ZDHHC15: variants seen among roughly 807,000 people sequenced by gnomAD.
ZDHHC15 encodes the protein palmitoyltransferase ZDHHC15.
In ZDHHC15, 19 loss-of-function variants were observed where a neutral mutation model predicts 31.7. The observed-to-expected ratio is 0.60, with a 90% CI of 0.42 to 0.88. The LOEUF (loss-of-function observed/expected upper bound fraction) is 0.88. Among genes scored for constraint, ZDHHC15 ranks in the 40% least tolerant of loss-of-function variants. The pLI is 0.00. For synonymous variants in ZDHHC15, 103 were observed against 90.0 expected (o/e 1.14, Z -0.82); for missense variants, 209 against 251.2 (o/e 0.83, Z 1.14).
At chrX:75,422,838 G>A (rs1276252661) in intron 8 of ZDHHC15, among the ~76,000 whole-genome samples, 1 of 108,752 alleles carries the variant, frequency 9.2e-6, no homozygotes, top group Non-Finnish European at 1.9e-5. Flanking sequence ...AAGTTTTAGG[G>A]TACATGTGCA....
intron 7 of ZDHHC15, among the ~76,000 whole-genome samples, chrX:75,425,345 T>A (rs2083700096): frequency 9.0e-6 from 1 of 111,674 alleles, no homozygotes; most frequent in Non-Finnish European, 1.9e-5. Flanking sequence ...TGAGGTAGAA[T>A]GTGCTGATAT....
In ZDHHC15 at chrX:75,401,579, C is replaced by T. The variant is rs146591625; in HGVS notation, c.967+15508G>A. ...CAAGCTAATGGAAAACAGAAAAAAG[C>T]GGGGGTTGCAATCCTAATTTCTGAC... On this transcript the variant is annotated intron_variant, in intron 10 of 11. Coordinates refer to ENST00000373367, the MANE Select transcript of ZDHHC15 (RefSeq NM_144969.3). Among the ~76,000 whole-genome samples the T allele has an allele frequency of 4.5e-3, 499 of 111,632 alleles. 1 individual carries two copies. The highest frequency in any genetic ancestry group is 0.015 in the African/African-American group (472 of 30,741).
chrX:75,388,319 C>CT (rs1194289298), intron 10 of ZDHHC15, among the ~76,000 whole-genome samples: 1 of 112,078 alleles, frequency 8.9e-6, no homozygotes, highest in Non-Finnish European at 1.9e-5. Flanking sequence ...ACTCAAAACT[C>CT]TAGTATGAAG....
At chrX:75,438,228 T>A (rs1166765952) in intron 4 of ZDHHC15, among the ~76,000 whole-genome samples, 3 of 111,933 alleles carry the variant, frequency 2.7e-5, no homozygotes, top group Non-Finnish European at 5.6e-5. Context: ...TGACTTTCTG[T>A]CTTGATGGCC....
intron 3 of ZDHHC15, among the ~76,000 whole-genome samples, chrX:75,470,141 C>A (rs2084481019): frequency 9.0e-6 from 1 of 110,898 alleles, no homozygotes; most frequent in Non-Finnish European, 1.9e-5. Flanking sequence ...GAAGGCAGAC[C>A]CACCCTTAAT....
chrX:75,440,318 T>G, intron 4 of ZDHHC15, among the ~76,000 whole-genome samples: 1 of 111,097 alleles, frequency 9.0e-6, no homozygotes, highest in Admixed American at 9.6e-5. Flanking sequence ...CTTGCTCTGT[T>G]GCCCAGGCTG....
intron 6 of ZDHHC15, among the ~76,000 whole-genome samples, chrX:75,429,675 A>G (rs1194688205): frequency 8.9e-6 from 1 of 111,921 alleles, no homozygotes; most frequent in Non-Finnish European, 1.9e-5. Context: ...AAAAGGAGAA[A>G]TGTTTGTGCT....
chrX:75,473,378 C>T (rs185310142), intron 3 of ZDHHC15, among the ~76,000 whole-genome samples: 1 of 111,548 alleles, frequency 9.0e-6, no homozygotes, highest in East Asian at 2.8e-4. Context: ...AGTGGCACTA[C>T]TCACTATCAC....
At chrX:75,454,442 T>A (rs909880846) in intron 3 of ZDHHC15, among the ~76,000 whole-genome samples, 1 of 112,102 alleles carries the variant, frequency 8.9e-6, no homozygotes, top group African/African-American at 3.2e-5. Context: ...CCTTTGGGTA[T>A]ATGCCAAGTA....
At chrX:75,414,488 G>T (rs931279537) in intron 10 of ZDHHC15, among the ~76,000 whole-genome samples, 7 of 96,992 alleles carry the variant, frequency 7.2e-5, no homozygotes, top group Admixed American at 1.2e-4. Flanking sequence ...GGAGTGCAGC[G>T]GCGCGATCTC....
At chrX:75,517,142 G>C (rs2085370491) in intron 1 of ZDHHC15, among the ~76,000 whole-genome samples, 2 of 111,894 alleles carry the variant, frequency 1.8e-5, no homozygotes, top group East Asian at 2.8e-4. Flanking sequence ...GTTGGTGGGA[G>C]TGTAAACTAG....
At position 75,505,864 on chromosome X, in the gene ZDHHC15, G is replaced by A; in HGVS notation, c.137-17C>T. The A allele has an allele frequency of 1.7e-6, 2 of 1,186,195 alleles. No individual in the cohort carries two copies. Among genetic ancestry groups the A allele is most frequent in the Non-Finnish European group, 2.3e-6 (2 of 873,071 alleles). Reference sequence around the variant, plus strand: ...AAACAGTCACTGTGAAGAGACAGGAGAAAGAGAGACAGACAGACAGACAGA... The same window carrying A: ...AAACAGTCACTGTGAAGAGACAGGAAAAAGAGAGACAGACAGACAGACAGA... On this transcript the variant is annotated splice_polypyrimidine_tract_variant and intron_variant, in intron 1 of 11. Coordinates refer to ENST00000373367, the MANE Select transcript of ZDHHC15 (RefSeq NM_144969.3).
chrX:75,414,426 CTT>C (rs1177332052), intron 10 of ZDHHC15, among the ~76,000 whole-genome samples: 3 of 66,198 alleles, frequency 4.5e-5, no homozygotes, highest in African/African-American at 6.0e-5. Flanking sequence ...CATATTTTAT[CTT>C]TTTTTTTTTT....
At chrX:75,412,408 C>T (rs150539516) in intron 10 of ZDHHC15, among the ~76,000 whole-genome samples, 47 of 110,357 alleles carry the variant, frequency 4.3e-4, no homozygotes, top group Middle Eastern at 9.3e-3. Flanking sequence ...AAAGAAATTG[C>T]GGGACAGATA....
Position 75,469,053 on chromosome X carries a change from C to CT in ZDHHC15, c.258+9837dup, listed in dbSNP as rs139692885. On this transcript the variant is annotated intron_variant, in intron 3 of 11. Transcript: ENST00000373367. Reference sequence around the variant, plus strand: ...ATAGTGTTGTTTGATGTACAAAAGGCTTTTTTTTTTAACTTTGATGAAGTC... The same window carrying CT: ...ATAGTGTTGTTTGATGTACAAAAGGCTTTTTTTTTTTAACTTTGATGAAGTC... 7.4e-4 allele frequency among the ~76,000 whole-genome samples: 79 copies of CT among 106,454 alleles called. 1 individual carries two copies. The East Asian group carries it at 0.013, about 17-fold the overall frequency. 92.4% of individuals were successfully genotyped at this position (106,454 alleles called of 115,157 possible). A position where few individuals can be genotyped will look rare whatever the true frequency, so the allele number is the denominator to read the frequency against.
Position 75,433,656 on chromosome X carries a change from AGT to A in ZDHHC15, c.380-2138_380-2137del, listed in dbSNP as rs138064587. Among the ~76,000 whole-genome samples the A allele has an allele frequency of 6.6e-3, 351 of 53,489 alleles. 2 individuals carry two copies. Among genetic ancestry groups the A allele is most frequent in the African/African-American group, 0.018 (336 of 18,619 alleles). 46.4% of individuals were successfully genotyped at this position (53,489 alleles called of 115,157 possible). A position where few individuals can be genotyped will look rare whatever the true frequency, so the allele number is the denominator to read the frequency against. On this transcript the variant is annotated intron_variant, in intron 4 of 11. Coordinates refer to ENST00000373367, the MANE Select transcript of ZDHHC15 (RefSeq NM_144969.3). ...TAGTGTATATTTTTTATGGCTGAGT[AGT>A]GTGTGTGTGTGTGTGTGTGTGTGTG...
In ZDHHC15 at chrX:75,371,923, A is replaced by G. The variant is rs2083009138; in HGVS notation, c.*1055T>C. 8.9e-6 allele frequency: 1 copy of G among 111,978 alleles called. No individual in the cohort carries two copies. The highest frequency in any genetic ancestry group is 1.9e-5 in the Non-Finnish European group (1 of 53,222). The allele number at this position is 111,978 out of a possible 1,213,427, so 9.2% of individuals were successfully genotyped here. A position where few individuals can be genotyped will look rare whatever the true frequency, so the allele number is the denominator to read the frequency against. ...AAGAAGAAAGAACTGGCATATTACT[A>G]TTTGGTTATCACTGTCTGTACAATA... On this transcript the variant is annotated 3_prime_UTR_variant, in exon 12 of 12. Transcript: ENST00000373367.
At chrX:75,489,595 C>G (rs910662487) in intron 2 of ZDHHC15, among the ~76,000 whole-genome samples, 1 of 111,705 alleles carries the variant, frequency 9.0e-6, no homozygotes, top group African/African-American at 3.3e-5. Flanking sequence ...ATCTGTACAT[C>G]ACCATCATCA....
At chrX:75,430,643 G>A (rs1020265776) in intron 5 of ZDHHC15, among the ~76,000 whole-genome samples, 2 of 111,763 alleles carry the variant, frequency 1.8e-5, no homozygotes, top group Non-Finnish European at 3.8e-5. Context: ...TTTAGTGTTG[G>A]CTGTGCATAG....
Sources: gnomAD v4.1 joint callset for allele counts (sites outside exome capture counted in the v4.1 genomes callset) on GRCh38, gnomAD v4.1.1 for gene constraint, MANE v1.5 for transcripts, NCBI Gene and HGNC (gene_info 2026-07-23, HGNC 2026-07-21) for gene names.